Variants in SRGAP1 observed in about 807,000 individuals in gnomAD.
The protein encoded by SRGAP1 is SLIT-ROBO Rho GTPase-activating protein 1.
Under a neutral mutation model 121.9 loss-of-function variants are expected in SRGAP1, and 43 were observed. The ratio of observed to expected loss-of-function variants is 0.35; its 90% CI spans 0.28 to 0.46. The LOEUF (loss-of-function observed/expected upper bound fraction) is 0.46, where lower values mean the gene tolerates loss of function less well. Among genes scored for constraint, SRGAP1 ranks in the 20% least tolerant of loss-of-function variants. SRGAP1 has a pLI of 1.00. For missense variants in SRGAP1, 1,102 were observed against 1,350.9 expected, an observed-to-expected ratio of 0.82 and a Z score of 2.89; for synonymous variants, 447 against 485.4, an observed-to-expected ratio of 0.92 and a Z score of 1.04.
At chr12:63,860,852 G>A (rs1899420167) in intron 1 of SRGAP1, among the ~76,000 whole-genome samples, 1 of 149,160 alleles carries the variant, frequency 6.7e-6, no homozygotes, top group African/African-American at 2.5e-5. Flanking sequence ...AAGAGAAAGG[G>A]TCTCGCTTTG....
intron 6 of SRGAP1, among the ~76,000 whole-genome samples, chr12:64,050,156 A>C (rs919843251): frequency 2.0e-5 from 3 of 152,106 alleles, no homozygotes; most frequent in African/African-American, 7.2e-5. Context: ...AGCTATTATA[A>C]ATGGGATTAC....
chr12:63,877,769 A>G (rs1565931902), intron 1 of SRGAP1, among the ~76,000 whole-genome samples: 1 of 152,192 alleles, frequency 6.6e-6, no homozygotes, highest in African/African-American at 2.4e-5. Context: ...TAGATCCAGC[A>G]CTCAGCTTAG....
At chr12:64,014,285 C>T (rs566374078) in intron 3 of SRGAP1, among the ~76,000 whole-genome samples, 4 of 152,292 alleles carry the variant, frequency 2.6e-5, no homozygotes, top group Admixed American at 2.6e-4. Flanking sequence ...TTATATATTT[C>T]AGGGCCTCTG....
At chr12:64,004,149 G>A (rs1273396736) in intron 3 of SRGAP1, among the ~76,000 whole-genome samples, 1 of 152,048 alleles carries the variant, frequency 6.6e-6, no homozygotes, top group Non-Finnish European at 1.5e-5. Flanking sequence ...TTCCATCCTA[G>A]TTTTTTTAAA....
chr12:64,095,447 C>T (rs1019881310), intron 14 of SRGAP1, among the ~76,000 whole-genome samples: 1 of 152,166 alleles, frequency 6.6e-6, no homozygotes, highest in South Asian at 2.1e-4. Context: ...CATTGATAAT[C>T]GGTGCCAGGT....
In SRGAP1 at chr12:64,090,770, G is replaced by A. The variant is rs2036036283; in HGVS notation, c.1437-506G>A. 2.0e-5 allele frequency among the ~76,000 whole-genome samples: 3 copies of A among 152,262 alleles called. No homozygotes were observed. The South Asian group carries it at 6.2e-4, about 32-fold the overall frequency. On this transcript the variant is annotated intron_variant, in intron 11 of 21. Coordinates refer to ENST00000355086, the MANE Select transcript of SRGAP1 (RefSeq NM_020762.4). ...GAGGATCCCTTGAGCCCAGAAGAAG[G>A]TGGAGGCTGCAGTGAGCCATGATCA...
chr12:63,861,387 C>T (rs1899445975), intron 1 of SRGAP1, among the ~76,000 whole-genome samples: 1 of 151,268 alleles, frequency 6.6e-6, no homozygotes. Flanking sequence ...GCAACCTCCG[C>T]CTCCCAGGAT....
At chr12:63,960,677 GA>G (rs1319142310) in intron 1 of SRGAP1, among the ~76,000 whole-genome samples, 12 of 152,156 alleles carry the variant, frequency 7.9e-5, no homozygotes. Flanking sequence ...ATTAGGTGAA[GA>G]ATCTTGAGAT....
At chr12:63,875,130 TC>T (rs1899989022) in intron 1 of SRGAP1, among the ~76,000 whole-genome samples, 1 of 152,156 alleles carries the variant, frequency 6.6e-6, no homozygotes, top group Non-Finnish European at 1.5e-5. Context: ...CCCAGGCTGA[TC>T]TTGAACTCCT....
At chr12:64,139,037 G>A (rs1320711226) in intron 21 of SRGAP1, among the ~76,000 whole-genome samples, 1 of 152,088 alleles carries the variant, frequency 6.6e-6, no homozygotes, top group African/African-American at 2.4e-5. Context: ...GAGGTTCTAG[G>A]CTCAGGTTCT....
rs914835751 is a variant in SRGAP1 at position 64,149,611 on chromosome 12, G to A, written c.*6939G>A. On this transcript the variant is annotated 3_prime_UTR_variant, in exon 22 of 22. Coordinates refer to ENST00000355086, the MANE Select transcript of SRGAP1 (RefSeq NM_020762.4). The stretch of plus-strand genomic sequence containing the variant: ...ACTCCCGAACCAGAGTCCCAACGGG[G>A]TGTAACTGGTCGTCAGTTCCCACAG... 3.9e-5 allele frequency: 6 copies of A among 152,198 alleles called. No individual in the cohort carries two copies. Among genetic ancestry groups the A allele is most frequent in the African/African-American group, 1.4e-4 (6 of 41,424 alleles). The allele number at this position is 152,198 out of a possible 1,614,324, so 9.4% of individuals were successfully genotyped here.
chr12:64,000,479 G>A (rs190494244), intron 3 of SRGAP1, among the ~76,000 whole-genome samples: 3 of 152,192 alleles, frequency 2.0e-5, no homozygotes, highest in African/African-American at 4.8e-5. Context: ...CAGCCATGAC[G>A]ATGTGCACCT....
At chr12:64,076,410 A>G (rs2035739149) in intron 8 of SRGAP1, among the ~76,000 whole-genome samples, 1 of 152,220 alleles carries the variant, frequency 6.6e-6, no homozygotes. Context: ...CTAAAATAAC[A>G]GATTTGAAAA....
At chr12:63,981,399 T>C (rs1360910823) in intron 1 of SRGAP1, among the ~76,000 whole-genome samples, 1 of 152,208 alleles carries the variant, frequency 6.6e-6, no homozygotes, top group Admixed American at 6.5e-5. Flanking sequence ...AGAAAACTAG[T>C]TGACAGCTTA....
At chr12:63,995,121 A>G (rs1026464976) in intron 3 of SRGAP1, among the ~76,000 whole-genome samples, 9 of 152,306 alleles carry the variant, frequency 5.9e-5, no homozygotes, top group South Asian at 2.1e-4. Context: ...GGTTATCTCT[A>G]TGGGTTTTAA....
At position 63,857,630 on chromosome 12, in the gene SRGAP1, C is replaced by T. The variant is rs576762559; in HGVS notation, c.67+12747C>T. 1.7e-3 allele frequency among the ~76,000 whole-genome samples: 254 copies of T among 152,260 alleles called. 1 individual carries two copies. Among genetic ancestry groups the T allele is most frequent in the Non-Finnish European group, 2.5e-3 (167 of 68,020 alleles). The stretch of plus-strand genomic sequence containing the variant: ...AACTCCAGACATCAAGTGATCCACC[C>T]GCCTTGGCCTCCCAAAGTGCTGGGA... On this transcript the variant is annotated intron_variant, in intron 1 of 21. Transcript: ENST00000355086.
At chr12:64,063,385 G>T (rs1036544617) in intron 7 of SRGAP1, among the ~76,000 whole-genome samples, 2 of 152,126 alleles carry the variant, frequency 1.3e-5, no homozygotes, top group African/African-American at 4.8e-5. Flanking sequence ...TCCCAGAATA[G>T]AAAGTTTTTG....
chr12:63,926,433 A>G (rs1354076255), intron 1 of SRGAP1, among the ~76,000 whole-genome samples: 1 of 152,170 alleles, frequency 6.6e-6, no homozygotes, highest in African/African-American at 2.4e-5. Context: ...TGGTCACCCA[A>G]GTTGCAAGTG....
At chr12:63,859,900 G>C (rs181671349) in intron 1 of SRGAP1, among the ~76,000 whole-genome samples, 1 of 152,118 alleles carries the variant, frequency 6.6e-6, no homozygotes, top group East Asian at 1.9e-4. Flanking sequence ...TACCTTTGCT[G>C]CATCTCACTA....
Sources: allele counts gnomAD v4.1 joint callset (sites outside exome capture counted in the v4.1 genomes callset), GRCh38; gene constraint gnomAD v4.1.1; transcripts MANE v1.5; gene names NCBI Gene and HGNC (gene_info 2026-07-23, HGNC 2026-07-21).